Variants in STPG2 observed in about 807,000 individuals in gnomAD.
STPG2 encodes the protein sperm tail PG-rich repeat containing 2, also known as sperm-tail PG-rich repeat-containing protein 2.
Under a neutral mutation model 54.2 loss-of-function variants are expected in STPG2, and 56 were observed. That is an observed-to-expected ratio of 1.03 (90% CI 0.83 to 1.29). STPG2 has a LOEUF of 1.29. STPG2 is among the 50% of genes most tolerant of loss of function. The pLI, the probability that STPG2 is intolerant of heterozygous loss-of-function variation, is 0.00. For synonymous variants in STPG2, 200 were observed against 181.8 expected, an observed-to-expected ratio of 1.10 and a Z score of -0.81; for missense variants, 596 against 544.9, an observed-to-expected ratio of 1.09 and a Z score of -0.93.
chr4:97,737,795 T>A (rs974863828), intron 9 of STPG2, among the ~76,000 whole-genome samples: 5 of 152,148 alleles, frequency 3.3e-5, no homozygotes, highest in Non-Finnish European at 7.3e-5. Context: ...CTTCAGGATA[T>A]TATCCAGGAG....
At chr4:98,072,613 T>G (rs28512286) in intron 5 of STPG2, among the ~76,000 whole-genome samples, 1 of 135,204 alleles carries the variant, frequency 7.4e-6, no homozygotes, top group South Asian at 2.4e-4. Flanking sequence ...TAAAATAAAA[T>G]AAAACAAAAC....
At chr4:97,735,200 A>G (rs1724938778) in intron 9 of STPG2, among the ~76,000 whole-genome samples, 1 of 152,016 alleles carries the variant, frequency 6.6e-6, no homozygotes, top group Non-Finnish European at 1.5e-5. Context: ...TTCTATATAC[A>G]TATATGCAGG....
At chr4:97,662,252 C>G (rs1191937334) in intron 10 of STPG2, among the ~76,000 whole-genome samples, 2 of 152,032 alleles carry the variant, frequency 1.3e-5, no homozygotes, top group African/African-American at 4.8e-5. Context: ...AGAAGACACA[C>G]AAGCAGCCAA....
intron 4 of STPG2, among the ~76,000 whole-genome samples, chr4:97,530,400 T>G (rs1731388469): frequency 6.6e-6 from 1 of 152,214 alleles, no homozygotes; most frequent in Admixed American, 6.5e-5. Flanking sequence ...TTTATATCAC[T>G]GAGTCTATAC....
At chr4:97,877,204 A>G (rs903983844) in intron 8 of STPG2, among the ~76,000 whole-genome samples, 31 of 152,264 alleles carry the variant, frequency 2.0e-4, no homozygotes, top group South Asian at 4.2e-4. Context: ...TTTAATCAAC[A>G]TCTTCCCTTT....
At chr4:97,883,005 A>AC (rs1730433871) in intron 8 of STPG2, among the ~76,000 whole-genome samples, 2 of 150,240 alleles carry the variant, frequency 1.3e-5, no homozygotes, top group Admixed American at 6.7e-5. Context: ...ACACACACAC[A>AC]AGTACACACA....
intron 5 of STPG2, among the ~76,000 whole-genome samples, chr4:98,086,669 A>G (rs1738525577): frequency 2.1e-5 from 3 of 141,330 alleles, no homozygotes; most frequent in Admixed American, 2.1e-4. Flanking sequence ...CATGCCAGAA[A>G]AAAAAAAAAA....
At chr4:97,572,700 A>G (rs189155826) in intron 10 of STPG2, 9 of 152,268 alleles carry the variant, frequency 5.9e-5, no homozygotes, top group Admixed American at 6.5e-5. Context: ...TTCCCATTCT[A>G]TCCTCCAAAC....
chr4:97,757,025 T>A (rs1341848463), intron 9 of STPG2, among the ~76,000 whole-genome samples: 1 of 152,158 alleles, frequency 6.6e-6, no homozygotes, highest in African/African-American at 2.4e-5. Flanking sequence ...AGAGGCACTG[T>A]AAGAAGGCAC....
intron 5 of STPG2, among the ~76,000 whole-genome samples, chr4:97,989,124 G>T (rs1447420709): frequency 6.6e-6 from 1 of 152,122 alleles, no homozygotes; most frequent in African/African-American, 2.4e-5. Context: ...TTGCTGGCTG[G>T]TAGAAAAGAG....
chr4:98,105,867 A>G, intron 5 of STPG2, 86 bp downstream of exon 5: 5 of 1,185,730 alleles, frequency 4.2e-6, no homozygotes, highest in Non-Finnish European at 5.9e-6. Context: ...GGCACATTAG[A>G]TCAAAGAGCA....
intron 4 of STPG2, among the ~76,000 whole-genome samples, chr4:97,447,720 G>A (rs1342101598): frequency 6.6e-6 from 1 of 152,218 alleles, no homozygotes; most frequent in African/African-American, 2.4e-5. Flanking sequence ...AGGATGTATG[G>A]AAATGCCTGG....
intron 10 of STPG2, among the ~76,000 whole-genome samples, chr4:97,677,656 C>G (rs1391981692): frequency 6.6e-6 from 1 of 152,100 alleles, no homozygotes; most frequent in Non-Finnish European, 1.5e-5. Flanking sequence ...CAAGAGCAAC[C>G]CTTTCCTTTC....
downstream of STPG2, among the ~76,000 whole-genome samples, chr4:97,554,637 A>G (rs558029401): frequency 2.0e-5 from 3 of 152,092 alleles, no homozygotes; most frequent in Non-Finnish European, 4.4e-5. Flanking sequence ...CTTGAGCTAT[A>G]AACAACATTC....
intron 5 of STPG2, among the ~76,000 whole-genome samples, chr4:98,030,229 C>T (rs528201606): frequency 6.6e-6 from 1 of 152,294 alleles, no homozygotes; most frequent in East Asian, 1.9e-4. Context: ...TCTATCACCA[C>T]CATCTGATTA....
At chr4:97,570,183 G>T (rs1479683250) in intron 10 of STPG2, among the ~76,000 whole-genome samples, 8 of 152,034 alleles carry the variant, frequency 5.3e-5, no homozygotes, top group Non-Finnish European at 8.8e-5. Context: ...TCCCAAAAAT[G>T]CTTCAGATAA....
intron 5 of STPG2, among the ~76,000 whole-genome samples, chr4:98,007,011 C>T (rs1457635052): frequency 1.3e-5 from 2 of 152,180 alleles, no homozygotes; most frequent in Admixed American, 6.5e-5. Flanking sequence ...ATTCCCTCAG[C>T]TGCCACTGGG....
At chr4:98,089,712 CTTT>C (rs34882013) in intron 5 of STPG2, among the ~76,000 whole-genome samples, 1 of 146,408 alleles carries the variant, frequency 6.8e-6, no homozygotes, top group Non-Finnish European at 1.5e-5. Flanking sequence ...ATGCCAACAT[CTTT>C]TTTTTTTTTT....
At chr4:98,083,032 C>G (rs1020929676) in intron 5 of STPG2, among the ~76,000 whole-genome samples, 4 of 152,036 alleles carry the variant, frequency 2.6e-5, no homozygotes, top group African/African-American at 9.7e-5. Context: ...CTTTATTGTC[C>G]TAAGAATAAG....
Sources: allele counts gnomAD v4.1 joint callset (sites outside exome capture counted in the v4.1 genomes callset), GRCh38; gene constraint gnomAD v4.1.1; transcripts MANE v1.5; gene names NCBI Gene and HGNC (gene_info 2026-07-23, HGNC 2026-07-21).